The following TMEM131L variants were observed in gnomAD, a reference collection of about 807,000 sequenced individuals.
The protein encoded by TMEM131L is transmembrane protein 131-like.
A neutral mutation model predicts 192.2 loss-of-function variants in TMEM131L; 54 were observed. The ratio of observed to expected loss-of-function variants is 0.28; its 90% confidence interval spans 0.23 to 0.35. The LOEUF (loss-of-function observed/expected upper bound fraction) is 0.35, where lower values mean the gene tolerates loss of function less well. TMEM131L is among the 10% of genes least tolerant of loss of function. The probability of loss-of-function intolerance (pLI) is 1.00; values close to 1 mark genes in which losing one functional copy is unlikely to be tolerated. For synonymous variants in TMEM131L, 701 were observed against 704.9 expected (o/e 0.99, Z 0.09); for missense variants, 1,888 against 1,972.9 (o/e 0.96, Z 0.82).
intron 14 of TMEM131L, among the ~76,000 whole-genome samples, chr4:153,586,633 GA>G (rs1272493419): frequency 2.6e-5 from 4 of 152,116 alleles, no homozygotes; most frequent in African/African-American, 9.7e-5. Flanking sequence ...TAGATTAATA[GA>G]TGTCATTTTC....
intron 3 of TMEM131L, among the ~76,000 whole-genome samples, chr4:153,483,900 C>T (rs967474752): frequency 2.0e-5 from 3 of 152,064 alleles, no homozygotes; most frequent in Non-Finnish European, 2.9e-5. Flanking sequence ...TCACTTGTCA[C>T]GGTGGGTCAG....
At chr4:153,587,848 A>G (rs1262458678) in intron 15 of TMEM131L, 37 bp downstream of exon 15, 2 of 1,406,416 alleles carry the variant, frequency 1.4e-6, no homozygotes, top group East Asian at 2.3e-5. Context: ...GTAGATCTCT[A>G]GTTTGGGGGA....
At chr4:153,507,546 G>A (rs1036398248) in intron 3 of TMEM131L, among the ~76,000 whole-genome samples, 1 of 152,116 alleles carries the variant, frequency 6.6e-6, no homozygotes, top group African/African-American at 2.4e-5. Flanking sequence ...TCTCCACATT[G>A]TGAGTCCTCA....
intron 7 of TMEM131L, among the ~76,000 whole-genome samples, chr4:153,567,848 G>C (rs1729327265): frequency 6.6e-6 from 1 of 152,102 alleles, no homozygotes; most frequent in South Asian, 2.1e-4. Context: ...CAGCCCCCAG[G>C]CTGCTTTTTA....
At chr4:153,632,866 C>G (rs1370042491) in intron 32 of TMEM131L, 28 bp downstream of exon 32, 1 of 1,613,576 alleles carries the variant, frequency 6.2e-7, no homozygotes, top group Admixed American at 1.7e-5. Flanking sequence ...TGATTGGTGC[C>G]TTGCTTAGTC....
chr4:153,615,948 A>C (rs922151458), intron 26 of TMEM131L, among the ~76,000 whole-genome samples: 2 of 151,990 alleles, frequency 1.3e-5, no homozygotes, highest in African/African-American at 2.4e-5. Flanking sequence ...CAGTTTTCTT[A>C]ATTTCTTCAA....
intron 25 of TMEM131L, 99 bp from the exon 26 acceptor site, chr4:153,612,153 C>A: frequency 1.2e-6 from 1 of 806,470 alleles, no homozygotes; most frequent in Non-Finnish European, 1.9e-6. Context: ...TTTAATTTAA[C>A]TCTCATGAAG....
At chr4:153,589,101 CT>C (rs1293174674) in intron 16 of TMEM131L, 94 bp downstream of exon 16, 6 of 692,786 alleles carry the variant, frequency 8.7e-6, no homozygotes, top group South Asian at 3.3e-5. Context: ...TAAGACCCCC[CT>C]CTCACCCCAC....
chr4:153,478,867 C>T (rs937175401), intron 3 of TMEM131L, among the ~76,000 whole-genome samples: 5 of 150,848 alleles, frequency 3.3e-5, no homozygotes, highest in African/African-American at 1.2e-4. Flanking sequence ...CCCACGATAC[C>T]AGCTTAATGA....
chr4:153,512,340 C>T (rs1010191641), intron 3 of TMEM131L, among the ~76,000 whole-genome samples: 2 of 152,002 alleles, frequency 1.3e-5, no homozygotes, highest in Non-Finnish European at 2.9e-5. Context: ...GTTATGCAAA[C>T]AAAGATGTGA....
At chr4:153,601,133 G>GTA (rs1411396950) in intron 21 of TMEM131L, among the ~76,000 whole-genome samples, 1 of 150,346 alleles carries the variant, frequency 6.7e-6, no homozygotes. Flanking sequence ...AGATTTGTTA[G>GTA]TAATTTTACA....
At chr4:153,577,230 C>T (rs562596770) in intron 7 of TMEM131L, among the ~76,000 whole-genome samples, 105 of 152,252 alleles carry the variant, frequency 6.9e-4, no homozygotes, top group African/African-American at 9.1e-4. Flanking sequence ...CGAGACTAGG[C>T]AGGTGCCGGA....
intron 25 of TMEM131L, among the ~76,000 whole-genome samples, chr4:153,604,983 G>A (rs545769770): frequency 3.5e-4 from 54 of 152,258 alleles, no homozygotes; most frequent in Admixed American, 7.2e-4. Context: ...GATTATAGGC[G>A]TGAGCCACCG....
rs371983954 is a variant in TMEM131L at position 153,602,623 on chromosome 4, T to G, written c.2535T>G (p.Thr845=). 2 of 1,614,074 alleles carry G rather than the reference T, an allele frequency of 1.2e-6. No homozygotes were observed. The highest frequency in any genetic ancestry group is 1.7e-6 in the Non-Finnish European group (2 of 1,179,974). The change falls in exon 23 of 35, where the codon ACT becomes ACG. Residue 845 remains threonine, a synonymous_variant. Coordinates refer to ENST00000409959, the MANE Select transcript of TMEM131L (RefSeq NM_001131007.2). ...CAGCGGACCTAGAATTTCGCTTCAC[T>G]CTCAATGTGACTCTCCCTCATCACC... ...VTAADLEFRF[T]LNVTLPHHLL...
chr4:153,559,969 C>G (rs1728743185), intron 7 of TMEM131L, among the ~76,000 whole-genome samples: 1 of 152,052 alleles, frequency 6.6e-6, no homozygotes, highest in South Asian at 2.1e-4. Context: ...GCCGTTTTCC[C>G]TCCTGCCACA....
In TMEM131L at chr4:153,587,648, G is replaced by A. The variant is rs1342937176; in HGVS notation, c.1483-94G>A. The A allele has an allele frequency of 6.6e-6, 6 of 910,856 alleles. No homozygotes were observed. The Admixed American group carries it at 8.7e-5, about 13-fold the overall frequency. The allele number at this position is 910,856 out of a possible 1,614,324, so 56.4% of individuals were successfully genotyped here. On this transcript the variant is annotated intron_variant, in intron 14 of 34. Transcript: ENST00000409959. ...CGTGGTTAAAGGGAAGTTCACTGAG[G>A]TGCAGACCAATGTCTGCTTTGAATT...
At position 153,588,906 on chromosome 4, in the gene TMEM131L, T is replaced by A; in HGVS notation, c.1569T>A (p.Asn523Lys). ...GKSKAGNPNW[N>K]GSLSLDQSTW... ...AACTTTTAGGAAATCCTAATTGGAA[T>A]GGGAGCCTTTCTCTGGATCAATCTA... The change falls in exon 16 of 35, where the codon AAT (asparagine) becomes AAA (lysine). Residue 523 changes from asparagine (N) to lysine (K), a missense_variant. Asn to Lys is a moderately conservative substitution (Grantham distance 94). Coordinates refer to ENST00000409959, the MANE Select transcript of TMEM131L (RefSeq NM_001131007.2). 1 of 1,580,206 alleles carries A rather than the reference T, an allele frequency of 6.3e-7. No homozygotes were observed. Among genetic ancestry groups the A allele is most frequent in the South Asian group, 1.1e-5 (1 of 90,332 alleles).
intron 33 of TMEM131L, among the ~76,000 whole-genome samples, chr4:153,634,939 A>G (rs1422969616): frequency 6.6e-6 from 1 of 152,206 alleles, no homozygotes; most frequent in Non-Finnish European, 1.5e-5. Context: ...GCTCCATGCT[A>G]ACCACAAGGG....
chr4:153,470,516 C>G lies in TMEM131L; in HGVS notation c.195+3235C>G, dbSNP rs797005872. Among the ~76,000 whole-genome samples the G allele has an allele frequency of 7.2e-4, 109 of 152,258 alleles. 1 individual carries two copies. The highest frequency in any genetic ancestry group is 2.4e-3 in the African/African-American group (101 of 41,536). ...ATACAAACTGTATATCCATGGTGAT[C>G]ATGAGAGGAAGGAGGAAAAATATAT... On this transcript the variant is annotated intron_variant, in intron 2 of 34. Transcript: ENST00000409959.
Sources: allele counts gnomAD v4.1 joint callset (sites outside exome capture counted in the v4.1 genomes callset), GRCh38; gene constraint gnomAD v4.1.1; transcripts MANE v1.5; gene names NCBI Gene and HGNC (gene_info 2026-07-23, HGNC 2026-07-21).